Variants in ZMYND11 observed in about 807,000 individuals in gnomAD.
ZMYND11 encodes zinc finger MYND-type containing 11.
A neutral mutation model predicts 84.9 loss-of-function variants in ZMYND11; 9 were observed. The observed-to-expected ratio is 0.11, with a 90% CI of 0.06 to 0.18. The LOEUF is 0.18. Ranked by LOEUF, ZMYND11 falls within the 10% of genes least tolerant of loss-of-function variation. The pLI is 1.00. For synonymous variants in ZMYND11, 250 were observed against 244.1 expected (o/e 1.02, Z -0.23); for missense variants, 409 against 761.0 (o/e 0.54, Z 5.44).
intron 1 of ZMYND11, among the ~76,000 whole-genome samples, chr10:144,517 T>C (rs1554754730): frequency 1.3e-5 from 2 of 152,194 alleles, no homozygotes; most frequent in African/African-American, 4.8e-5. Context: ...CCACCTTGCC[T>C]GGCCTATTTT....
intron 10 of ZMYND11, among the ~76,000 whole-genome samples, chr10:245,726 TTAACTGTTCCTTTCCA>T (rs1951989531): frequency 6.6e-6 from 1 of 152,188 alleles, no homozygotes; most frequent in Non-Finnish European, 1.5e-5. Flanking sequence ...CAACCAAATG[TTAACTGTTCCTTTCCA>T]TAGCACCCTA....
chr10:153,991 C>G (rs1330483047), intron 1 of ZMYND11, among the ~76,000 whole-genome samples: 2 of 152,196 alleles, frequency 1.3e-5, no homozygotes, highest in Non-Finnish European at 1.5e-5. Context: ...TAACGTTTTC[C>G]TGACCCTGTG....
At chr10:189,665 A>G (rs1404332479) in intron 2 of ZMYND11, among the ~76,000 whole-genome samples, 1 of 152,178 alleles carries the variant, frequency 6.6e-6, no homozygotes, top group Non-Finnish European at 1.5e-5. Flanking sequence ...AATTCTTAGG[A>G]CATTCACCTT....
intron 1 of ZMYND11, among the ~76,000 whole-genome samples, chr10:159,924 G>A (rs574934003): frequency 1.3e-5 from 2 of 152,236 alleles, no homozygotes; most frequent in South Asian, 2.1e-4. Flanking sequence ...GGTGCCATCT[G>A]CAAATAGAAG....
At chr10:240,825 T>C (rs111973952) in intron 8 of ZMYND11, 68 bp from the exon 9 acceptor site, 1 of 1,133,886 alleles carries the variant, frequency 8.8e-7, no homozygotes, top group Non-Finnish European at 1.3e-6. Flanking sequence ...TTTACATGGA[T>C]ACATTTTATA....
intron 9 of ZMYND11, among the ~76,000 whole-genome samples, chr10:241,430 G>A (rs528141736): frequency 6.6e-5 from 10 of 152,196 alleles, no homozygotes; most frequent in South Asian, 6.2e-4. Flanking sequence ...CTCCCGCCTC[G>A]GCCTTCCAAA....
intron 1 of ZMYND11, among the ~76,000 whole-genome samples, chr10:177,342 C>T (rs1322478482): frequency 1.2e-4 from 18 of 152,110 alleles, no homozygotes; most frequent in African/African-American, 3.9e-4. Flanking sequence ...CAATGTTCTA[C>T]GTGGGCTCTT....
chr10:247,539 A>T, intron 12 of ZMYND11, 73 bp downstream of exon 12: 4 of 1,463,528 alleles, frequency 2.7e-6, no homozygotes, highest in South Asian at 1.2e-5. Flanking sequence ...TTGTATTTTC[A>T]AAGTATTTCA....
chr10:131,467 T>G (rs565093232), upstream of ZMYND11, among the ~76,000 whole-genome samples: 6 of 152,264 alleles, frequency 3.9e-5, no homozygotes, highest in South Asian at 1.2e-3. Context: ...TGCTGTGTAG[T>G]AAAAAGCTGC....
Position 246,802 on chromosome 10 carries a change from A to G in ZMYND11, c.987A>G (p.Thr329=), listed in dbSNP as rs1360977696. The change falls in exon 11 of 15, where the codon ACA becomes ACG. Residue 329 remains threonine, a synonymous_variant. Coordinates refer to ENST00000381604, the MANE Select transcript of ZMYND11 (RefSeq NM_001370100.5). Reference sequence around the variant, plus strand: ...CTTCTGAAAACATTCAAGATATCACAGTCAACATTCATCGGCTGCACGTGA... The same window carrying G: ...CTTCTGAAAACATTCAAGATATCACGGTCAACATTCATCGGCTGCACGTGA... ...WIPSENIQDI[T]VNIHRLHVKR... 1 of 1,614,040 alleles carries G rather than the reference A, an allele frequency of 6.2e-7. No individual in the cohort carries two copies. The highest frequency in any genetic ancestry group is 8.5e-7 in the Non-Finnish European group (1 of 1,180,044).
In ZMYND11 at chr10:135,590, G is replaced by T. The variant is rs1554751721; in HGVS notation, c.-20+31G>T. The T allele has an allele frequency of 6.7e-6, 1 of 150,372 alleles. No individual in the cohort carries two copies. The highest frequency in any genetic ancestry group is 2.4e-5 in the African/African-American group (1 of 40,996). 9.3% of individuals were successfully genotyped at this position (150,372 alleles called of 1,614,324 possible). On this transcript the variant is annotated intron_variant, in intron 1 of 14. Transcript: ENST00000381604. This position sits in a 1 kb window ranked among gnomAD's most constrained non-coding sequence, Gnocchi z 5.6. ...GAAAGCTCGGCGGCGGGGCGGCGGG[G>T]CGGGCGGGGGCGTCCGTGGAGATGG...
chr10:199,326 C>G (rs74353947), intron 2 of ZMYND11, among the ~76,000 whole-genome samples: 2 of 103,854 alleles, frequency 1.9e-5, no homozygotes, highest in East Asian at 6.4e-4. Flanking sequence ...TCCCTCCCTC[C>G]CTCTCTCCCT....
At chr10:173,644 A>G (rs1845896472) in intron 1 of ZMYND11, among the ~76,000 whole-genome samples, 1 of 152,106 alleles carries the variant, frequency 6.6e-6, no homozygotes, top group African/African-American at 2.4e-5. Flanking sequence ...GCTTGAGCCC[A>G]GGAATTTGAG....
intron 2 of ZMYND11, among the ~76,000 whole-genome samples, chr10:200,257 AAATAT>A (rs1942843822): frequency 7.0e-6 from 1 of 142,454 alleles, no homozygotes; most frequent in South Asian, 2.1e-4. Context: ...ATATAATATA[AAATAT>A]ATAATTATAT....
chr10:241,406 G>A (rs955918547), intron 9 of ZMYND11, among the ~76,000 whole-genome samples: 1 of 152,146 alleles, frequency 6.6e-6, no homozygotes, highest in African/African-American at 2.4e-5. Flanking sequence ...TCAAACTCCT[G>A]AGTTCAAGCA....
chr10:248,234 G>A (rs1416901652), intron 12 of ZMYND11, 102 bp from the exon 13 acceptor site: 31 of 1,418,580 alleles, frequency 2.2e-5, no homozygotes, highest in Non-Finnish European at 3.0e-5. Flanking sequence ...TTATTCTATG[G>A]CTATTATGTA....
Position 247,060 on chromosome 10 carries a change from G to C in ZMYND11, c.1158+87G>C, listed in dbSNP as rs1279242733. 5.3e-6 allele frequency: 7 copies of C among 1,323,316 alleles called. No homozygotes were observed. The East Asian group carries it at 1.5e-4, about 29-fold the overall frequency. The allele number at this position is 1,323,316 out of a possible 1,614,324, so 82.0% of individuals were successfully genotyped here. A position where few individuals can be genotyped will look rare whatever the true frequency, so the allele number is the denominator to read the frequency against. On this transcript the variant is annotated intron_variant, in intron 11 of 14. Transcript: ENST00000381604. ...TGCACACTCCTCACTGTAATGAACAGATTTTGACGTTCTCCTTCCCTTTTT... is the reference window on the plus strand; with the variant it reads ...TGCACACTCCTCACTGTAATGAACACATTTTGACGTTCTCCTTCCCTTTTT...
chr10:219,423 C>T (rs564535165), intron 3 of ZMYND11, among the ~76,000 whole-genome samples: 2 of 152,206 alleles, frequency 1.3e-5, no homozygotes, highest in African/African-American at 4.8e-5. Context: ...GTTTTTAAAA[C>T]AGCTATGAGT....
intron 2 of ZMYND11, among the ~76,000 whole-genome samples, chr10:205,864 C>T (rs1427537327): frequency 6.6e-6 from 1 of 151,050 alleles, no homozygotes. Context: ...GGTTTAATTT[C>T]ACCATGATTA....
Sources: allele counts gnomAD v4.1 joint callset (sites outside exome capture counted in the v4.1 genomes callset), GRCh38; gene constraint gnomAD v4.1.1; non-coding constraint Gnocchi (gnomAD v3.1); transcripts MANE v1.5; gene names NCBI Gene and HGNC (gene_info 2026-07-23, HGNC 2026-07-21).